Variants in STARD13 observed in about 807,000 individuals in gnomAD.
STARD13 encodes the protein stAR-related lipid transfer protein 13.
In STARD13, 62 loss-of-function variants were observed where a neutral mutation model predicts 106.4. The ratio of observed to expected loss-of-function variants is 0.58; its 90% CI spans 0.48 to 0.72. STARD13 has a LOEUF of 0.72. Among genes scored for constraint, STARD13 ranks in the 30% least tolerant of loss-of-function variants. The pLI is 0.00. For synonymous variants in STARD13, 565 were observed against 553.0 expected (o/e 1.02, Z -0.31); for missense variants, 1,387 against 1,424.0 (o/e 0.97, Z 0.42).
At chr13:33,553,598 T>G in the STARD13 span, among the ~76,000 whole-genome samples, 2 of 144,852 alleles carry the variant, frequency 1.4e-5, no homozygotes, top group Admixed American at 1.4e-4. Flanking sequence ...TTTTTTTTTT[T>G]GAGATGGAGT....
At chr13:33,236,243 G>C (rs755206188) in intron 1 of STARD13, among the ~76,000 whole-genome samples, 2 of 152,136 alleles carry the variant, frequency 1.3e-5, no homozygotes, top group Admixed American at 6.6e-5. Context: ...TTTATGGCTG[G>C]CCAGTAAGGC....
intron 1 of STARD13, chr13:33,336,594 A>G (rs1272683443): frequency 6.6e-6 from 1 of 152,068 alleles, no homozygotes; most frequent in Middle Eastern, 3.2e-3. Flanking sequence ...TCTCTTCAAA[A>G]AATTTTAAAA....
chr13:33,603,844 T>C, the STARD13 span, among the ~76,000 whole-genome samples: 1 of 152,110 alleles, frequency 6.6e-6, no homozygotes, highest in Non-Finnish European at 1.5e-5. Flanking sequence ...TAAAAAACTT[T>C]AGGAAGAAAA....
chr13:33,555,647 G>T, the STARD13 span, among the ~76,000 whole-genome samples: 30 of 152,298 alleles, frequency 2.0e-4, no homozygotes, highest in East Asian at 5.6e-3. Context: ...AATGGAAAGA[G>T]TAAACAACTT....
At chr13:33,672,714 T>A in the STARD13 span, among the ~76,000 whole-genome samples, 388 of 152,326 alleles carry the variant, frequency 2.5e-3, 3 homozygotes, top group African/African-American at 8.7e-3. Context: ...AGCTGTCCCA[T>A]GTTTGATCAC....
the STARD13 span, among the ~76,000 whole-genome samples, chr13:33,545,346 C>T: frequency 3.3e-5 from 5 of 151,796 alleles, no homozygotes; most frequent in Admixed American, 6.6e-5. Context: ...CCGCCTGCCT[C>T]GGCTTCCCAA....
the STARD13 span, among the ~76,000 whole-genome samples, chr13:33,642,475 A>G: frequency 3.3e-5 from 5 of 152,220 alleles, no homozygotes; most frequent in Non-Finnish European, 7.3e-5. Context: ...GTCACTCAAG[A>G]GTCAGGCACT....
At chr13:33,369,975 T>C in the STARD13 span, among the ~76,000 whole-genome samples, 2 of 152,232 alleles carry the variant, frequency 1.3e-5, no homozygotes, top group African/African-American at 4.8e-5. Context: ...AACTGGAAGC[T>C]ACATGATAAA....
chr13:33,332,977 T>G (rs536696261), intron 1 of STARD13, among the ~76,000 whole-genome samples: 1 of 152,236 alleles, frequency 6.6e-6, no homozygotes, highest in African/African-American at 2.4e-5. Flanking sequence ...TTTGGGAAAT[T>G]ACTCAAGAAA....
the STARD13 span, among the ~76,000 whole-genome samples, chr13:33,448,782 T>G: frequency 2.0e-5 from 3 of 152,212 alleles, no homozygotes; most frequent in African/African-American, 7.2e-5. Context: ...TGTTTGTCCT[T>G]TTGATAATAG....
the STARD13 span, among the ~76,000 whole-genome samples, chr13:33,409,605 G>A: frequency 3.3e-5 from 5 of 152,188 alleles, no homozygotes; most frequent in African/African-American, 1.2e-4. Context: ...TATTAAGTAC[G>A]TTTTTCTACT....
the STARD13 span, among the ~76,000 whole-genome samples, chr13:33,513,133 T>C: frequency 6.6e-6 from 1 of 152,186 alleles, no homozygotes; most frequent in African/African-American, 2.4e-5. Context: ...TCTGGCCCTT[T>C]ACAGAAAATG....
chr13:33,205,951 C>A, intron 1 of STARD13: 1 of 985,414 alleles, frequency 1.0e-6, no homozygotes, highest in South Asian at 4.7e-5. Context: ...CGAGTGTTTT[C>A]TCTTCGTTAT....
At chr13:33,638,672 T>G in the STARD13 span, among the ~76,000 whole-genome samples, 1 of 152,192 alleles carries the variant, frequency 6.6e-6, no homozygotes, top group Admixed American at 6.5e-5. Flanking sequence ...TGTTTTAATG[T>G]TAGTGCTGGT....
chr13:33,183,534 CTGTT>C (rs1463216559), intron 1 of STARD13, among the ~76,000 whole-genome samples: 5 of 152,194 alleles, frequency 3.3e-5, no homozygotes, highest in African/African-American at 4.8e-5. Context: ...CTGTTCCACT[CTGTT>C]TGAGAAGTCT....
intron 1 of STARD13, among the ~76,000 whole-genome samples, chr13:33,332,118 C>T (rs781044936): frequency 1.4e-4 from 21 of 152,154 alleles, no homozygotes; most frequent in Non-Finnish European, 2.4e-4. Flanking sequence ...GAGGAGCTGG[C>T]TACCTGTCGA....
chr13:33,356,129 T>C, the STARD13 span, among the ~76,000 whole-genome samples: 10 of 152,216 alleles, frequency 6.6e-5, no homozygotes, highest in African/African-American at 2.4e-4. Flanking sequence ...ATGGGAGACG[T>C]TGGGTAAGTG....
intron 1 of STARD13, among the ~76,000 whole-genome samples, chr13:33,197,128 A>G (rs1298221196): frequency 6.6e-5 from 10 of 152,172 alleles, no homozygotes; most frequent in African/African-American, 9.7e-5. Context: ...TTTTTCACAC[A>G]TGGCACACAC....
chr13:33,118,348 G>A (rs1292614173), intron 7 of STARD13, 85 bp from the exon 8 acceptor site: 3 of 1,157,454 alleles, frequency 2.6e-6, no homozygotes, highest in African/African-American at 3.0e-5. Context: ...AACTGGATGA[G>A]CTGGAATTGC....
Sources: allele counts gnomAD v4.1 joint callset (sites outside exome capture counted in the v4.1 genomes callset), GRCh38; gene constraint gnomAD v4.1.1; transcripts MANE v1.5; gene names NCBI Gene and HGNC (gene_info 2026-07-23, HGNC 2026-07-21).